The following TGM2 variants were observed in gnomAD, a reference collection of about 807,000 sequenced individuals.
TGM2 encodes the protein transglutaminase 2.
Under a neutral mutation model 75.6 loss-of-function variants are expected in TGM2, and 53 were observed. That is an observed-to-expected ratio of 0.70 (90% CI 0.56 to 0.88). TGM2 has a LOEUF of 0.88. Among genes scored for constraint, TGM2 ranks in the 40% least tolerant of loss-of-function variants. The pLI, the probability that TGM2 is intolerant of heterozygous loss-of-function variation, is 0.00. For missense variants in TGM2, 842 were observed against 928.5 expected, an observed-to-expected ratio of 0.91 and a Z score of 1.21; for synonymous variants, 374 against 381.1, an observed-to-expected ratio of 0.98 and a Z score of 0.22.
intron 5 of TGM2, 40 bp downstream of exon 5, chr20:38,147,921 T>G: frequency 6.3e-7 from 1 of 1,589,642 alleles, no homozygotes; most frequent in South Asian, 1.1e-5. Flanking sequence ...GGGAGCCCCC[T>G]GTAGGCCCCG....
At chr20:38,167,925 A>C (rs1203854156), upstream of TGM2, among the ~76,000 whole-genome samples, 1 of 152,196 alleles carries the variant, frequency 6.6e-6, no homozygotes, top group Non-Finnish European at 1.5e-5. Context: ...CCTCATTTGT[A>C]AAATGGGGGC....
At chr20:38,163,676 T>A (rs1440838710) in intron 1 of TGM2, among the ~76,000 whole-genome samples, 1 of 152,186 alleles carries the variant, frequency 6.6e-6, no homozygotes, top group Non-Finnish European at 1.5e-5. Flanking sequence ...GGCAGATAGT[T>A]CTGCGCCACT....
intron 5 of TGM2, 84 bp downstream of exon 5, chr20:38,147,877 T>C: frequency 6.4e-7 from 1 of 1,552,040 alleles, no homozygotes; most frequent in South Asian, 1.2e-5. Context: ...CCACCGCGCC[T>C]AGCCTGTGTC....
chr20:38,163,661 C>A (rs1320779041), intron 1 of TGM2, among the ~76,000 whole-genome samples: 6 of 152,196 alleles, frequency 3.9e-5, no homozygotes. Flanking sequence ...GTTCTCAAAC[C>A]TGGGGGCAGA....
At chr20:38,149,409 G>A (rs1426688111) in intron 4 of TGM2, among the ~76,000 whole-genome samples, 1 of 152,162 alleles carries the variant, frequency 6.6e-6, no homozygotes, top group African/African-American at 2.4e-5. Context: ...CGGGCGCGGT[G>A]GCTCACGCCT....
In TGM2 at chr20:38,161,684, C is replaced by T. The variant is rs2075256175; in HGVS notation, c.11-85G>A. 17 of 1,501,426 alleles carry T rather than the reference C, an allele frequency of 1.1e-5. 1 individual carries two copies. The highest frequency in any genetic ancestry group is 3.9e-4 in the Middle Eastern group (2 of 5,176). 93.0% of individuals were successfully genotyped at this position (1,501,426 alleles called of 1,614,324 possible). On this transcript the variant is annotated intron_variant, in intron 1 of 12. Transcript: ENST00000361475. ...CACCTGCCCTCCCTAGACATGGGGG[C>T]CTTGTGCCCTCTTACTCCCCACAAA...
Position 38,138,193 on chromosome 20 carries a change from C to T in TGM2, c.1535G>A (p.Arg512His), listed in dbSNP as rs977521017. 2.5e-5 allele frequency: 40 copies of T among 1,608,412 alleles called. No individual in the cohort carries two copies. The highest frequency in any genetic ancestry group is 5.5e-5 in the South Asian group (5 of 90,136). ...EYVCRLLLCARTVSYNGILGP... is the reference protein window; with the variant it reads ...EYVCRLLLCAHTVSYNGILGP... ...CAAGATCCCATTGTAGCTGACGGTG[C>T]GGGCACAGAGCAGGAGGCGGCAGAC... The change falls in exon 10 of 13, where the codon CGC (arginine) becomes CAC (histidine). Residue 512 changes from arginine (R) to histidine (H), a missense_variant. Arg to His is a conservative substitution (Grantham distance 29). Coordinates refer to ENST00000361475, the MANE Select transcript of TGM2 (RefSeq NM_004613.4).
chr20:38,127,938 A>G lies in TGM2; in HGVS notation c.*2281T>C, dbSNP rs2074783017. 6.6e-6 allele frequency: 1 copy of G among 152,146 alleles called. No homozygotes were observed. The highest frequency in any genetic ancestry group is 1.9e-4 in the East Asian group (1 of 5,194). 9.4% of individuals were successfully genotyped at this position (152,146 alleles called of 1,614,324 possible). A position where few individuals can be genotyped will look rare whatever the true frequency, so the allele number is the denominator to read the frequency against. The stretch of plus-strand genomic sequence containing the variant: ...ACATTCATTTACCAATTCAGCATTT[A>G]TTAGTGTATTTAAGAGATACGTGGT... On this transcript the variant is annotated 3_prime_UTR_variant, in exon 13 of 13. Transcript: ENST00000361475.
At chr20:38,156,130 G>T (rs754489446) in intron 2 of TGM2, 41 bp from the exon 3 acceptor site, 1 of 1,597,620 alleles carries the variant, frequency 6.3e-7, no homozygotes, top group Non-Finnish European at 8.5e-7. Flanking sequence ...AGGGGTAGCA[G>T]GGCTGGCAGG....
chr20:38,139,552 A>T lies in TGM2; in HGVS notation c.1202T>A (p.Val401Glu), dbSNP rs201212727. ...ATCGTCCTGCTGGATCCAGTCTACCACGTCGGCATTGACCTCCGCAAAGAC... is the reference window on the plus strand; with the variant it reads ...ATCGTCCTGCTGGATCCAGTCTACCTCGTCGGCATTGACCTCCGCAAAGAC... The part of the protein sequence containing the change: ...PFVFAEVNAD[V>E]VDWIQQDDGS... Residue 401 changes from valine to glutamate, a missense_variant, in exon 9 of 13, where the codon GTG becomes GAG. Physicochemically the swap from Val to Glu is moderately radical, Grantham distance 121. Coordinates refer to ENST00000361475, the MANE Select transcript of TGM2 (RefSeq NM_004613.4). 85 of 1,614,094 alleles carry T rather than the reference A, an allele frequency of 5.3e-5. No homozygotes were observed. Among genetic ancestry groups the T allele is most frequent in the Non-Finnish European group, 5.1e-6 (6 of 1,180,048 alleles).
At position 38,130,229 on chromosome 20, in the gene TGM2, C is replaced by T; in HGVS notation, c.2054G>A (p.Gly685Asp). The part of the protein sequence containing the change: ...AVKGFRNVII[G>D]PA ...GGGAGCAGGGGTCCCTTAGGCGGGG[C>T]CAATGATGACATTCCGGAAGCCCTT... Residue 685 changes from glycine (G) to aspartate (D), a missense_variant, in exon 13 of 13, where the codon GGC becomes GAC. Transcript: ENST00000361475. 1 of 1,613,402 alleles carries T rather than the reference C, an allele frequency of 6.2e-7. No individual in the cohort carries two copies. The highest frequency in any genetic ancestry group is 8.5e-7 in the Non-Finnish European group (1 of 1,179,908).
At chr20:38,157,474 C>G (rs544278469) in intron 2 of TGM2, among the ~76,000 whole-genome samples, 13 of 152,346 alleles carry the variant, frequency 8.5e-5, no homozygotes, top group African/African-American at 3.1e-4. Context: ...ATCACCAGGC[C>G]TCTCTGATCT....
In TGM2 at chr20:38,142,180, G is replaced by A. The variant is rs1175961303; in HGVS notation, c.879C>T (p.Ile293=). ...VACTVLRCLG[I]PTRVVTNYNS... ...TGTAGTTGGTCACGACGCGGGTAGG[G>A]ATGCCCAGGCACCTCAGCACTGTTG... The change falls in exon 7 of 13, where the codon ATC becomes ATT. Residue 293 remains isoleucine, a synonymous_variant. Coordinates refer to ENST00000361475, the MANE Select transcript of TGM2 (RefSeq NM_004613.4). The A allele has an allele frequency of 3.1e-6, 5 of 1,614,112 alleles. No homozygotes were observed. The highest frequency in any genetic ancestry group is 4.2e-6 in the Non-Finnish European group (5 of 1,180,056).
At chr20:38,167,293 C>T (rs1249623695), upstream of TGM2, among the ~76,000 whole-genome samples, 2 of 152,102 alleles carry the variant, frequency 1.3e-5, no homozygotes, top group Non-Finnish European at 1.5e-5. Flanking sequence ...GTATTTTTTC[C>T]TTTAAAACCC....
intron 5 of TGM2, 77 bp downstream of exon 5, chr20:38,147,884 T>G: frequency 6.4e-7 from 1 of 1,554,936 alleles, no homozygotes; most frequent in Non-Finnish European, 8.7e-7. Context: ...GCCTAGCCTG[T>G]GTCTCCACTG....
intron 10 of TGM2, 143 bp from the exon 11 acceptor site, chr20:38,132,643 C>T (rs780464691): frequency 1.7e-6 from 2 of 1,147,532 alleles, no homozygotes. Flanking sequence ...CCTGAACTCC[C>T]CACTGTGGCT....
intron 4 of TGM2, 38 bp from the exon 5 acceptor site, chr20:38,148,127 G>A (rs2075069112): frequency 1.2e-6 from 2 of 1,613,252 alleles, no homozygotes; most frequent in Non-Finnish European, 1.7e-6. Context: ...GAGGGAGCTG[G>A]GAAGGCACCT....
intron 1 of TGM2, among the ~76,000 whole-genome samples, chr20:38,163,275 G>C (rs1254432770): frequency 6.6e-6 from 1 of 152,094 alleles, no homozygotes. Flanking sequence ...GGAGCCACTG[G>C]ACAGCATGTG....
intron 10 of TGM2, among the ~76,000 whole-genome samples, chr20:38,136,998 C>T (rs2122866615): frequency 6.6e-6 from 1 of 152,290 alleles, no homozygotes; most frequent in Non-Finnish European, 1.5e-5. Context: ...GACACCATGT[C>T]ACTGCGAAGG....
Sources: allele counts gnomAD v4.1 joint callset (sites outside exome capture counted in the v4.1 genomes callset), GRCh38; gene constraint gnomAD v4.1.1; transcripts MANE v1.5; gene names NCBI Gene and HGNC (gene_info 2026-07-23, HGNC 2026-07-21).